The following TENM2 variants were observed in gnomAD, a reference collection of about 807,000 sequenced individuals.
TENM2 encodes the protein teneurin transmembrane protein 2, also known as teneurin-2.
In TENM2, 52 loss-of-function variants were observed where a neutral mutation model predicts 245.2. That is an observed-to-expected ratio of 0.21 (90% CI 0.17 to 0.27). The LOEUF is 0.27. Among genes scored for constraint, TENM2 ranks in the 10% least tolerant of loss-of-function variants. The pLI is 1.00. For missense variants in TENM2, 3,046 were observed against 3,666.8 expected (o/e 0.83, Z 4.37); for synonymous variants, 1,363 against 1,438.9 (o/e 0.95, Z 1.19).
chr5:167,995,145 A>G (rs1351997274), intron 5 of TENM2, among the ~76,000 whole-genome samples: 1 of 152,148 alleles, frequency 6.6e-6, no homozygotes, highest in African/African-American at 2.4e-5. Context: ...ATACCGTCCC[A>G]GTGCGCCTTC....
intron 6 of TENM2, among the ~76,000 whole-genome samples, chr5:168,057,419 G>A (rs1489335393): frequency 6.6e-6 from 1 of 152,036 alleles, no homozygotes; most frequent in African/African-American, 2.4e-5. Flanking sequence ...AATAAGGAAT[G>A]CCATTTAAGA....
intron 2 of TENM2, among the ~76,000 whole-genome samples, chr5:167,693,278 G>A (rs922412324): frequency 2.0e-5 from 3 of 152,082 alleles, no homozygotes; most frequent in Non-Finnish European, 2.9e-5. Flanking sequence ...TCAATAGAGG[G>A]GCTAGGCAAA....
the TENM2 span, among the ~76,000 whole-genome samples, chr5:167,255,584 A>G: frequency 6.6e-6 from 1 of 152,204 alleles, no homozygotes; most frequent in Non-Finnish European, 1.5e-5. Flanking sequence ...AAACATTGGC[A>G]TAAATGCCTT....
At chr5:167,853,080 A>T (rs1770731976) in intron 2 of TENM2, among the ~76,000 whole-genome samples, 1 of 151,354 alleles carries the variant, frequency 6.6e-6, no homozygotes, top group South Asian at 2.1e-4. Context: ...AGGACAGGAG[A>T]TCGAGACCAT....
chr5:167,487,985 G>A (rs1768187305), intron 2 of TENM2, among the ~76,000 whole-genome samples: 1 of 152,118 alleles, frequency 6.6e-6, no homozygotes. Context: ...AGAGAAAATG[G>A]AGATTACCTG....
chr5:167,748,011 G>A (rs1422901271), intron 2 of TENM2, among the ~76,000 whole-genome samples: 1 of 152,058 alleles, frequency 6.6e-6, no homozygotes, highest in Non-Finnish European at 1.5e-5. Flanking sequence ...AGATCTCTAG[G>A]ATAAAAGTCT....
the TENM2 span, among the ~76,000 whole-genome samples, chr5:167,158,356 A>G: frequency 5.3e-5 from 8 of 152,098 alleles, no homozygotes; most frequent in Non-Finnish European, 1.2e-4. Flanking sequence ...CCATTTCCCT[A>G]AAGTCACCAC....
the TENM2 span, among the ~76,000 whole-genome samples, chr5:167,024,042 A>G: frequency 6.6e-6 from 1 of 152,208 alleles, no homozygotes; most frequent in African/African-American, 2.4e-5. Context: ...TAAGTCTGGC[A>G]TTTTATTCAA....
chr5:167,066,856 GGTATTTT>G, the TENM2 span, among the ~76,000 whole-genome samples: 1 of 151,956 alleles, frequency 6.6e-6, no homozygotes, highest in East Asian at 1.9e-4. Flanking sequence ...CTTCAAAAAT[GGTATTTT>G]GTATTCTAAG....
intron 2 of TENM2, among the ~76,000 whole-genome samples, chr5:167,452,263 T>C (rs1463762628): frequency 1.3e-5 from 2 of 152,156 alleles, no homozygotes; most frequent in Non-Finnish European, 2.9e-5. Flanking sequence ...TATTGAATGT[T>C]AGAGATGAGT....
At chr5:167,690,250 G>T (rs1173005622) in intron 2 of TENM2, among the ~76,000 whole-genome samples, 1 of 151,516 alleles carries the variant, frequency 6.6e-6, no homozygotes, top group Non-Finnish European at 1.5e-5. Context: ...AAACTCTTTT[G>T]AGACAAGTAA....
chr5:168,160,319 T>G (rs1424805781), intron 12 of TENM2, among the ~76,000 whole-genome samples: 2 of 152,202 alleles, frequency 1.3e-5, no homozygotes, highest in Non-Finnish European at 2.9e-5. Context: ...TCTCACGGTA[T>G]GAAGTGAACA....
At chr5:167,053,825 C>T in the TENM2 span, among the ~76,000 whole-genome samples, 2 of 152,096 alleles carry the variant, frequency 1.3e-5, no homozygotes, top group Non-Finnish European at 2.9e-5. Context: ...GCATAACTAA[C>T]CATAGGTATT....
intron 1 of TENM2, among the ~76,000 whole-genome samples, chr5:167,351,397 G>T (rs1283304241): frequency 6.6e-6 from 1 of 152,026 alleles, no homozygotes; most frequent in African/African-American, 2.4e-5. Context: ...ATTTCATAAG[G>T]TTTTTAAGTT....
intron 2 of TENM2, among the ~76,000 whole-genome samples, chr5:167,780,649 CTG>C (rs563479571): frequency 1.3e-3 from 201 of 152,272 alleles, no homozygotes; most frequent in African/African-American, 4.5e-3. Flanking sequence ...CATGAGTTCA[CTG>C]TTAATGAATC....
At chr5:167,097,390 T>A in the TENM2 span, among the ~76,000 whole-genome samples, 1 of 152,186 alleles carries the variant, frequency 6.6e-6, no homozygotes, top group African/African-American at 2.4e-5. Context: ...AAGCTTAATG[T>A]AGCATGCTGT....
chr5:167,943,417 T>G (rs1392858391), intron 3 of TENM2, among the ~76,000 whole-genome samples: 1 of 152,152 alleles, frequency 6.6e-6, no homozygotes, highest in Non-Finnish European at 1.5e-5. Context: ...AAAAAAAGAA[T>G]GAAATACACC....
chr5:167,702,124 A>C (rs1217306050), intron 2 of TENM2, among the ~76,000 whole-genome samples: 1 of 152,192 alleles, frequency 6.6e-6, no homozygotes, highest in African/African-American at 2.4e-5. Context: ...TTTTATACAG[A>C]AGAGGAAACA....
At chr5:167,537,395 A>G (rs911356433) in intron 2 of TENM2, among the ~76,000 whole-genome samples, 1 of 152,208 alleles carries the variant, frequency 6.6e-6, no homozygotes, top group African/African-American at 2.4e-5. Flanking sequence ...CAATAATCTC[A>G]TCCTCATCAT....
Sources: gnomAD v4.1 joint callset for allele counts (sites outside exome capture counted in the v4.1 genomes callset) on GRCh38, gnomAD v4.1.1 for gene constraint, MANE v1.5 for transcripts, NCBI Gene and HGNC (gene_info 2026-07-23, HGNC 2026-07-21) for gene names.